SGCD: variants seen among roughly 807,000 people sequenced by gnomAD.
SGCD encodes sarcoglycan delta.
A neutral mutation model predicts 36.6 loss-of-function variants in SGCD; 18 were observed. That is an observed-to-expected ratio of 0.49 (90% CI 0.34 to 0.73). The LOEUF (loss-of-function observed/expected upper bound fraction) is 0.73. SGCD is among the 30% of genes least tolerant of loss of function. SGCD has a pLI of 0.01. For missense variants in SGCD, 387 were observed against 346.7 expected (o/e 1.12, Z -0.92); for synonymous variants, 133 against 130.6 (o/e 1.02, Z -0.12).
chr5:156,609,811 A>C (rs1272736587), intron 6 of SGCD, among the ~76,000 whole-genome samples: 1 of 152,162 alleles, frequency 6.6e-6, no homozygotes, highest in Non-Finnish European at 1.5e-5. Flanking sequence ...TCCATCACTG[A>C]TACCCTTTCT....
intron 3 of SGCD, among the ~76,000 whole-genome samples, chr5:156,199,158 T>C (rs1764086895): frequency 6.6e-6 from 1 of 152,136 alleles, no homozygotes; most frequent in East Asian, 1.9e-4. Flanking sequence ...AGTCTGTACA[T>C]GGTCTTTAAA....
At chr5:156,548,029 C>T (rs940519798) in intron 4 of SGCD, among the ~76,000 whole-genome samples, 1 of 152,164 alleles carries the variant, frequency 6.6e-6, no homozygotes, top group African/African-American at 2.4e-5. Flanking sequence ...GGGCTGGTTC[C>T]CTGCAGTATT....
At chr5:156,311,526 G>T (rs1362696925) in intron 3 of SGCD, among the ~76,000 whole-genome samples, 1 of 152,058 alleles carries the variant, frequency 6.6e-6, no homozygotes, top group Non-Finnish European at 1.5e-5. Flanking sequence ...ATAGAATACA[G>T]TATCTTAGAA....
At chr5:156,462,480 G>A (rs1754528106) in intron 3 of SGCD, among the ~76,000 whole-genome samples, 1 of 152,014 alleles carries the variant, frequency 6.6e-6, no homozygotes. Flanking sequence ...AGAAAGGAAA[G>A]GACTTAATTT....
At chr5:156,617,558 T>C (rs1458594194) in intron 6 of SGCD, among the ~76,000 whole-genome samples, 10 of 152,192 alleles carry the variant, frequency 6.6e-5, no homozygotes, top group African/African-American at 2.2e-4. Flanking sequence ...GTCTTGGAGT[T>C]TGACCTCTGC....
At chr5:156,224,325 G>C (rs1252189168) in intron 3 of SGCD, among the ~76,000 whole-genome samples, 2 of 151,984 alleles carry the variant, frequency 1.3e-5, no homozygotes, top group Admixed American at 6.6e-5. Flanking sequence ...ACCTACCTTG[G>C]AAACAAAACC....
intron 7 of SGCD, among the ~76,000 whole-genome samples, chr5:156,733,100 A>G (rs1756164647): frequency 6.6e-6 from 1 of 151,564 alleles, no homozygotes; most frequent in Non-Finnish European, 1.5e-5. Context: ...GAGATTTGCT[A>G]GCTTTGAGGT....
intron 4 of SGCD, among the ~76,000 whole-genome samples, chr5:156,540,831 A>G (rs900226048): frequency 6.6e-6 from 1 of 152,136 alleles, no homozygotes; most frequent in African/African-American, 2.4e-5. Flanking sequence ...TCCCACAAAG[A>G]TGTATTGGGC....
At chr5:156,390,845 C>T (rs1771524316) in intron 3 of SGCD, among the ~76,000 whole-genome samples, 1 of 151,706 alleles carries the variant, frequency 6.6e-6, no homozygotes, top group Non-Finnish European at 1.5e-5. Context: ...TGTGCTTAAG[C>T]CAAGTTTTAT....
intron 6 of SGCD, among the ~76,000 whole-genome samples, chr5:156,624,727 A>T (rs897849427): frequency 1.4e-4 from 22 of 152,052 alleles, no homozygotes; most frequent in African/African-American, 2.7e-4. Flanking sequence ...CTTTTTTTTT[A>T]AAAAATGATC....
At chr5:156,322,294 A>G (rs1394097420), upstream of SGCD, among the ~76,000 whole-genome samples, 1 of 152,248 alleles carries the variant, frequency 6.6e-6, no homozygotes, top group African/African-American at 2.4e-5. Context: ...CTAAAAAGTC[A>G]AGATATAGAA....
chr5:156,610,708 C>G (rs887988118), intron 6 of SGCD, among the ~76,000 whole-genome samples: 2 of 152,236 alleles, frequency 1.3e-5, no homozygotes, highest in African/African-American at 2.4e-5. Flanking sequence ...AGCTTCCTGG[C>G]CACTTTGGTT....
chr5:155,867,132 G>T (rs1457043703), upstream of SGCD, among the ~76,000 whole-genome samples: 1 of 152,126 alleles, frequency 6.6e-6, no homozygotes, highest in Non-Finnish European at 1.5e-5. Context: ...ATAGTTTTAG[G>T]CTTTTAAACA....
chr5:155,946,646 A>G (rs1171266858), intron 1 of SGCD, among the ~76,000 whole-genome samples: 2 of 152,226 alleles, frequency 1.3e-5, no homozygotes, highest in Admixed American at 6.5e-5. Context: ...GCCAAAAACA[A>G]CACAGTTTCA....
chr5:155,943,563 A>G (rs570402404), intron 1 of SGCD, among the ~76,000 whole-genome samples: 2 of 152,230 alleles, frequency 1.3e-5, no homozygotes, highest in African/African-American at 4.8e-5. Flanking sequence ...AATAATTTGC[A>G]TAGAAGGGAA....
chr5:155,728,181 A>G, the SGCD span, among the ~76,000 whole-genome samples: 1 of 151,100 alleles, frequency 6.6e-6, no homozygotes, highest in Non-Finnish European at 1.5e-5. Flanking sequence ...CGCCGCCCCC[A>G]CCCGCGGCTC....
rs182107381 is a variant in SGCD, at chr5:156,350,435, A to T, written c.192+5758A>T. Among the ~76,000 whole-genome samples, 214 of 151,920 alleles carry T rather than the reference A, an allele frequency of 1.4e-3. 1 individual carries two copies. Among genetic ancestry groups the T allele is most frequent in the African/African-American group, 5.0e-3 (208 of 41,490 alleles). On this transcript the variant is annotated intron_variant, in intron 3 of 8. Transcript: ENST00000337851. ...TGAAAGTGTTTGTGAAACCTTGGTG[A>T]TCTATCCAAGATTGAAAATCTGGAA...
chr5:155,939,490 A>G (rs1468210594), intron 1 of SGCD, among the ~76,000 whole-genome samples: 3 of 151,740 alleles, frequency 2.0e-5, no homozygotes, highest in Admixed American at 6.6e-5. Context: ...AAAAAAATAC[A>G]AAAATTAGCC....
intron 1 of SGCD, among the ~76,000 whole-genome samples, chr5:156,101,927 TGTGTGTGTGTGTGTGA>T (rs899767607): frequency 6.7e-6 from 1 of 149,964 alleles, no homozygotes; most frequent in Non-Finnish European, 1.5e-5. Context: ...TGTGTGTGTG[TGTGTGTGTGTGTGTGA>T]GAGAGAGAGA....
Sources: gnomAD v4.1 joint callset for allele counts (sites outside exome capture counted in the v4.1 genomes callset) on GRCh38, gnomAD v4.1.1 for gene constraint, MANE v1.5 for transcripts, NCBI Gene and HGNC (gene_info 2026-07-23, HGNC 2026-07-21) for gene names.